DIS3: variants seen among roughly 807,000 people sequenced by gnomAD.
DIS3 encodes DIS3 exosome endoribonuclease and 3'-5' exoribonuclease, also known as exosome complex exonuclease RRP44.
DIS3 carries 103 observed loss-of-function variants against 113.0 expected under a neutral mutation model. The ratio of observed to expected loss-of-function variants is 0.91; its 90% confidence interval spans 0.78 to 1.07. The LOEUF is 1.07. Ranked by LOEUF, DIS3 falls within the 50% of genes least tolerant of loss-of-function variation. DIS3 has a pLI of 0.00. For synonymous variants in DIS3, 402 were observed against 394.3 expected (o/e 1.02, Z -0.23); for missense variants, 1,121 against 1,167.1 (o/e 0.96, Z 0.58).
At chr13:72,775,128 A>C in intron 6 of DIS3, 83 bp downstream of exon 6, 1 of 1,379,134 alleles carries the variant, frequency 7.3e-7, no homozygotes, top group Non-Finnish European at 9.7e-7. Flanking sequence ...TAAATCTGAA[A>C]GCAATGAAAC....
intron 2 of DIS3, among the ~76,000 whole-genome samples, chr13:72,778,866 A>G (rs2034087110): frequency 6.6e-6 from 1 of 152,218 alleles, no homozygotes; most frequent in Non-Finnish European, 1.5e-5. Context: ...AAACACTAAT[A>G]GCTGAAGCTA....
Position 72,763,597 on chromosome 13 carries a change from A to T in DIS3, c.1981T>A (p.Ser661Thr). The T allele has an allele frequency of 6.2e-7, 1 of 1,610,732 alleles. No homozygotes were observed. Among genetic ancestry groups the T allele is most frequent in the South Asian group, 1.1e-5 (1 of 89,968 alleles). Residue 661 changes from serine (S) to threonine (T), a missense_variant, in exon 16 of 21, where the codon TCC (serine) becomes ACC (threonine). This residue lies in a region of DIS3 where 861 missense variants were observed against 915.5 expected (regional missense o/e 0.94). Transcript: ENST00000377767. ...LQTKELRETNSMVEEFMLLAN... is the reference protein window; with the variant it reads ...LQTKELRETNTMVEEFMLLAN... The stretch of plus-strand genomic sequence containing the variant: ...AGTAACATAAATTCTTCAACCATGG[A>T]ATTTGTTTCCCTGCCAATGGAAAAA...
chr13:72,781,202 A>G, intron 1 of DIS3, 199 bp from the exon 2 acceptor site: 1 of 1,500,152 alleles, frequency 6.7e-7, no homozygotes, highest in Non-Finnish European at 9.1e-7. Context: ...GCACACTTAA[A>G]CAGACCAATC....
chr13:72,755,463 G>A lies in DIS3; in HGVS notation c.*4332C>T. ...TTTTTATACTTACATTGAGTGATGT[G>A]TTTAACAACAAATTGTGACAGAGCT... On this transcript the variant is annotated 3_prime_UTR_variant, in exon 21 of 21. Transcript: ENST00000377767. 2.2e-6 allele frequency: 1 copy of A among 461,640 alleles called. No homozygotes were observed. The highest frequency in any genetic ancestry group is 3.5e-5 in the South Asian group (1 of 28,634). 28.6% of individuals were successfully genotyped at this position (461,640 alleles called of 1,614,324 possible). A position where few individuals can be genotyped will look rare whatever the true frequency, so the allele number is the denominator to read the frequency against.
intron 13 of DIS3, among the ~76,000 whole-genome samples, chr13:72,770,294 C>T (rs552486089): frequency 1.1e-3 from 166 of 152,086 alleles, no homozygotes; most frequent in Middle Eastern, 3.4e-3. Context: ...AAAAAAAAAC[C>T]CTCAAAATTT....
rs1244255569 is a variant in DIS3, at chr13:72,762,078, T to C, written c.2187A>G (p.Glu729=). The stretch of plus-strand genomic sequence containing the variant: ...TGTTTAGATATGGAAAAGTAGGAGA[T>C]TCGGCCTGATCCAAAGACTCAGCCA... ...KSLAESLDQA[E]SPTFPYLNTL... is the part of the protein sequence containing the mutation. The change falls in exon 17 of 21, where the codon GAA becomes GAG. Residue 729 remains glutamate (E), a synonymous_variant. Coordinates refer to ENST00000377767, the MANE Select transcript of DIS3 (RefSeq NM_014953.5). 6 of 1,614,098 alleles carry C rather than the reference T, an allele frequency of 3.7e-6. No homozygotes were observed. The highest frequency in any genetic ancestry group is 4.2e-6 in the Non-Finnish European group (5 of 1,180,024).
Position 72,753,945 on chromosome 13 carries a change from G to A in DIS3, c.*5850C>T, listed in dbSNP as rs2033357584. Reference sequence around the variant, plus strand: ...ATTTAAAACACTAAAAGGTAAGCCTGTTTTCTTAACATCCAATAACCTTTA... The same window carrying A: ...ATTTAAAACACTAAAAGGTAAGCCTATTTTCTTAACATCCAATAACCTTTA... On this transcript the variant is annotated 3_prime_UTR_variant, in exon 21 of 21. Transcript: ENST00000377767. 1.3e-5 allele frequency: 13 copies of A among 1,005,056 alleles called. No homozygotes were observed. Among genetic ancestry groups the A allele is most frequent in the Non-Finnish European group, 1.7e-5 (12 of 702,870 alleles). The allele number at this position is 1,005,056 out of a possible 1,614,324, so 62.3% of individuals were successfully genotyped here.
In DIS3 at chr13:72,752,433, T is replaced by G. The variant is rs528972708; in HGVS notation, c.*7362A>C. 3 of 152,366 alleles carry G rather than the reference T, an allele frequency of 2.0e-5. No individual in the cohort carries two copies. The highest frequency in any genetic ancestry group is 1.3e-4 in the Admixed American group (2 of 15,296). The allele number at this position is 152,366 out of a possible 1,614,324, so 9.4% of individuals were successfully genotyped here. Reference sequence around the variant, plus strand: ...AACTTGGCTCTCATCAATCCTGCTCTTCCCATAGTGTGGGACAAACTCCCC... The same window carrying G: ...AACTTGGCTCTCATCAATCCTGCTCGTCCCATAGTGTGGGACAAACTCCCC... On this transcript the variant is annotated 3_prime_UTR_variant, in exon 21 of 21. Coordinates refer to ENST00000377767, the MANE Select transcript of DIS3 (RefSeq NM_014953.5).
Position 72,754,522 on chromosome 13 carries a change from CAACAA to C in DIS3, c.*5268_*5272del. 6.6e-6 allele frequency: 1 copy of C among 151,922 alleles called. No individual in the cohort carries two copies. Among genetic ancestry groups the C allele is most frequent in the African/African-American group, 2.4e-5 (1 of 41,296 alleles). The allele number at this position is 151,922 out of a possible 1,614,324, so 9.4% of individuals were successfully genotyped here. Reference sequence around the variant, plus strand: ...AATACTATAAATATCAGCAAATGTGCAACAAATGTTTAATAGGGAGGCCACCTTAG... The same window carrying C: ...AATACTATAAATATCAGCAAATGTGCATGTTTAATAGGGAGGCCACCTTAG... On this transcript the variant is annotated 3_prime_UTR_variant, in exon 21 of 21. Transcript: ENST00000377767.
rs773928215 is a variant in DIS3 at position 72,761,413 on chromosome 13, A to G, written c.2620T>C (p.Phe874Leu). 1 of 1,610,890 alleles carries G rather than the reference A, an allele frequency of 6.2e-7. No homozygotes were observed. The highest frequency in any genetic ancestry group is 1.7e-5 in the Admixed American group (1 of 58,940). Reference sequence around the variant, plus strand: ...TTTGGTTTGTCCTTTTCTTCAAAAAAGACTGTCCCTTCTAAACCATACTTT... The same window carrying G: ...TTTGGTTTGTCCTTTTCTTCAAAAAGGACTGTCCCTTCTAAACCATACTTT... ...IPKYGLEGTV[F>L]FEEKDKPNPQ... The change falls in exon 19 of 21, where the codon TTT (phenylalanine) becomes CTT (leucine). Residue 874 changes from phenylalanine to leucine, a missense_variant. Transcript: ENST00000377767.
intron 20 of DIS3, 129 bp from the exon 21 acceptor site, chr13:72,760,007 T>C (rs1301082330): frequency 1.4e-6 from 1 of 716,200 alleles, no homozygotes; most frequent in East Asian, 2.5e-5. Flanking sequence ...GAAAGGGGGC[T>C]AATTAAAGGT....
intron 10 of DIS3, 68 bp from the exon 11 acceptor site, chr13:72,771,964 A>G: frequency 6.6e-7 from 1 of 1,524,366 alleles, no homozygotes; most frequent in Non-Finnish European, 8.9e-7. Flanking sequence ...TGGAGTTTTA[A>G]TAAGATAAAG....
At position 72,754,973 on chromosome 13, in the gene DIS3, C is replaced by CA. The variant is rs1254141710; in HGVS notation, c.*4821dup. On this transcript the variant is annotated 3_prime_UTR_variant, in exon 21 of 21. Coordinates refer to ENST00000377767, the MANE Select transcript of DIS3 (RefSeq NM_014953.5). ...GTGCGATCCTCCCACCTTGGCCTCT[C>CA]AAAGTGTTGGGATGCTTTTTGATGC... The CA allele has an allele frequency of 5.4e-6, 3 of 551,078 alleles. No homozygotes were observed. Among genetic ancestry groups the CA allele is most frequent in the East Asian group, 3.1e-5 (1 of 31,808 alleles). The allele number at this position is 551,078 out of a possible 1,614,324, so 34.1% of individuals were successfully genotyped here.
intron 4 of DIS3, 35 bp from the exon 5 acceptor site, chr13:72,776,127 A>G: frequency 6.4e-7 from 1 of 1,565,174 alleles, no homozygotes; most frequent in South Asian, 1.2e-5. Flanking sequence ...TGCCGCTAAT[A>G]AGTCTTCTGT....
intron 14 of DIS3, among the ~76,000 whole-genome samples, chr13:72,766,530 C>T (rs1460181383): frequency 1.3e-5 from 2 of 152,088 alleles, no homozygotes; most frequent in Admixed American, 1.3e-4. Context: ...AAGTATCTTC[C>T]ACAAAGACTG....
chr13:72,768,747 A>G (rs1425986294), intron 14 of DIS3, 38 bp downstream of exon 14: 4 of 1,460,898 alleles, frequency 2.7e-6, no homozygotes, highest in Middle Eastern at 4.9e-4. Flanking sequence ...TGTAAAGAGT[A>G]TAAAAATTAT....
Position 72,776,119 on chromosome 13 carries a change from C to T in DIS3, c.655-27G>A, listed in dbSNP as rs142135553. ...TATGAAAGAAGCAAACCAAAAGATG[C>T]CGCTAATAAGTCTTCTGTTCACTCA... is the stretch of plus-strand genomic sequence containing the variant. On this transcript the variant is annotated intron_variant, in intron 4 of 20. Coordinates refer to ENST00000377767, the MANE Select transcript of DIS3 (RefSeq NM_014953.5). 13,563 of 1,570,802 alleles carry T rather than the reference C, an allele frequency of 8.6e-3. 66 individuals are homozygous for T. The highest frequency in any genetic ancestry group is 0.01 in the Non-Finnish European group (12,232 of 1,165,586).
Position 72,753,636 on chromosome 13 carries a change from A to C in DIS3, c.*6159T>G. The C allele has an allele frequency of 6.5e-7, 1 of 1,540,680 alleles. No homozygotes were observed. The highest frequency in any genetic ancestry group is 1.4e-5 in the African/African-American group (1 of 72,628). On this transcript the variant is annotated 3_prime_UTR_variant, in exon 21 of 21. Coordinates refer to ENST00000377767, the MANE Select transcript of DIS3 (RefSeq NM_014953.5). ...AGTTTATAGTGGTTTACTTATTTAAATATTTGACTTTTAAGTTCCTCACAA... is the reference window on the plus strand; with the variant it reads ...AGTTTATAGTGGTTTACTTATTTAACTATTTGACTTTTAAGTTCCTCACAA...
rs1233003150 is a variant in DIS3 at position 72,775,352 on chromosome 13, AT to A, written c.845del (p.His282LeufsTer2). The A allele has an allele frequency of 1.2e-6, 2 of 1,610,716 alleles. No homozygotes were observed. Among genetic ancestry groups the A allele is most frequent in the Admixed American group, 1.7e-5 (1 of 59,410 alleles). Reference sequence around the variant, plus strand: ...TATCTTCGTGAACAGCTCTGTTTAAATGTTTAAGTCCCTGTAAGATTATCTG... The same window carrying A: ...TATCTTCGTGAACAGCTCTGTTTAAAGTTTAAGTCCCTGTAAGATTATCTG... The part of the protein sequence containing the change: ...NKEIILQGLK[H>X]LNRAVHEDIV... On this transcript the variant is annotated frameshift_variant, in exon 6 of 21. Coordinates refer to ENST00000377767, the MANE Select transcript of DIS3 (RefSeq NM_014953.5). LOFTEE classifies it high-confidence loss of function.
Sources: allele counts gnomAD v4.1 joint callset (sites outside exome capture counted in the v4.1 genomes callset), GRCh38; gene constraint gnomAD v4.1.1; regional missense constraint gnomAD v4.1.1; transcripts MANE v1.5; gene names NCBI Gene and HGNC (gene_info 2026-07-23, HGNC 2026-07-21).